The following RAD54L variants were observed in gnomAD, a reference collection of about 807,000 sequenced individuals.
The protein encoded by RAD54L is DNA repair and recombination protein RAD54-like.
A neutral mutation model predicts 91.6 loss-of-function variants in RAD54L; 74 were observed. That is an observed-to-expected ratio of 0.81 (90% CI 0.67 to 0.98). The LOEUF (loss-of-function observed/expected upper bound fraction) is 0.98, where lower values mean the gene tolerates loss of function less well. Ranked by LOEUF, RAD54L falls within the 50% of genes least tolerant of loss-of-function variation. RAD54L has a pLI of 0.00. For synonymous variants in RAD54L, 304 were observed against 349.7 expected, an observed-to-expected ratio of 0.87 and a Z score of 1.46; for missense variants, 887 against 945.7, an observed-to-expected ratio of 0.94 and a Z score of 0.81.
At chr1:46,261,092 C>CA in intron 7 of RAD54L, 77 bp downstream of exon 7, 1 of 1,568,512 alleles carries the variant, frequency 6.4e-7, no homozygotes, top group African/African-American at 1.4e-5. Flanking sequence ...CATTTATGGC[C>CA]AGGGTGGAGG....
intron 10 of RAD54L, among the ~76,000 whole-genome samples, chr1:46,271,996 T>C: frequency 6.9e-6 from 1 of 144,130 alleles, no homozygotes; most frequent in Non-Finnish European, 1.5e-5. Flanking sequence ...GAGACCCTGA[T>C]ACAGATGTGT....
Position 46,267,522 on chromosome 1 carries a change from C to G in RAD54L, c.955C>G (p.Arg319Gly), listed in dbSNP as rs142375065. 6.2e-7 allele frequency: 1 copy of G among 1,613,934 alleles called. No individual in the cohort carries two copies. Among genetic ancestry groups the G allele is most frequent in the African/African-American group, 1.3e-5 (1 of 74,896 alleles). ...YQALDSLNTS[R>G]RVLISGTPIQ... ...AGCCCTGGACAGCTTGAACACCAGC[C>G]GGCGGGTGCTCATCTCCGGAACTCC... Residue 319 changes from arginine to glycine, a missense_variant, in exon 9 of 18, where the codon CGG becomes GGG. By Grantham distance (125) the Arg-to-Gly change is moderately radical (BLOSUM62 -2). Transcript: ENST00000371975.
At chr1:46,273,163 T>C (rs987312156) in intron 12 of RAD54L, among the ~76,000 whole-genome samples, 192 bp from the exon 13 acceptor site, 3 of 152,244 alleles carry the variant, frequency 2.0e-5, no homozygotes, top group Non-Finnish European at 2.9e-5. Context: ...AACACATTAG[T>C]GAGTGAGATT....
intron 2 of RAD54L, among the ~76,000 whole-genome samples, chr1:46,249,645 T>G (rs961765914): frequency 1.5e-4 from 23 of 152,148 alleles, no homozygotes; most frequent in African/African-American, 4.6e-4. Flanking sequence ...TCTTGGAAAC[T>G]CAGCGAAATG....
At chr1:46,269,422 C>G in intron 9 of RAD54L, among the ~76,000 whole-genome samples, 1 of 151,364 alleles carries the variant, frequency 6.6e-6, no homozygotes, top group Non-Finnish European at 1.5e-5. Flanking sequence ...ATCCTCCTGC[C>G]TCAGCCTCCT....
At position 46,274,564 on chromosome 1, in the gene RAD54L, C is replaced by T. The variant is rs1200585746; in HGVS notation, c.1716C>T (p.Ser572=). Reference sequence around the variant, plus strand: ...GCCCTGACTTTGTCTTCATGCTGAGCAGCAAAGCTGGGGGCTGTGGCCTCA... The same window carrying T: ...GCCCTGACTTTGTCTTCATGCTGAGTAGCAAAGCTGGGGGCTGTGGCCTCA... ...PSSPDFVFML[S]SKAGGCGLNL... The change falls in exon 16 of 18, where the codon AGC becomes AGT. Residue 572 remains serine (S), a synonymous_variant. Transcript: ENST00000371975. 6.2e-7 allele frequency: 1 copy of T among 1,613,246 alleles called. No individual in the cohort carries two copies. The highest frequency in any genetic ancestry group is 8.5e-7 in the Non-Finnish European group (1 of 1,180,022).
chr1:46,249,094 G>C (rs542567660), intron 2 of RAD54L, among the ~76,000 whole-genome samples: 20 of 152,270 alleles, frequency 1.3e-4, no homozygotes, highest in Non-Finnish European at 1.5e-5. Flanking sequence ...TTGGAGGCTT[G>C]TTGGGGCTGG....
chr1:46,251,082 A>G (rs1449519409), intron 3 of RAD54L, among the ~76,000 whole-genome samples: 1 of 150,716 alleles, frequency 6.6e-6, no homozygotes, highest in Admixed American at 6.6e-5. Flanking sequence ...GCCGAGGTGG[A>G]TGGATCACCT....
intron 4 of RAD54L, among the ~76,000 whole-genome samples, chr1:46,259,289 C>G (rs897170759): frequency 6.6e-6 from 1 of 151,878 alleles, no homozygotes; most frequent in Non-Finnish European, 1.5e-5. Flanking sequence ...AGTGTTGGGA[C>G]TACAGGCTTG....
At chr1:46,274,097 C>A (rs775853000) in intron 14 of RAD54L, 41 bp from the exon 15 acceptor site, 13 of 1,550,832 alleles carry the variant, frequency 8.4e-6, no homozygotes, top group Non-Finnish European at 1.2e-5. Flanking sequence ...TCCCCCTAAT[C>A]ATTGAAGCTT....
In RAD54L at chr1:46,250,071, T is replaced by C. The variant is rs569623515; in HGVS notation, c.162T>C (p.Pro54=). Residue 54 remains proline, a synonymous_variant, in exon 3 of 18, where the codon CCT becomes CCC. Transcript: ENST00000371975. ...QECFLSPFRK[P]LSQLTNQPPC... ...GTTTCCTGTCTCCTTTTCGGAAACC[T>C]TTGAGTCAGCTAACCAATCAACCAC... 6.2e-7 allele frequency: 1 copy of C among 1,614,174 alleles called. No individual in the cohort carries two copies. The highest frequency in any genetic ancestry group is 1.1e-5 in the South Asian group (1 of 91,080).
chr1:46,258,959 T>G (rs1204918961), intron 4 of RAD54L, among the ~76,000 whole-genome samples: 2 of 152,138 alleles, frequency 1.3e-5, no homozygotes, highest in African/African-American at 2.4e-5. Context: ...ATCTTCTTGG[T>G]AGAGGTGTCC....
chr1:46,268,853 C>T (rs1268572862), intron 9 of RAD54L, among the ~76,000 whole-genome samples: 1 of 152,226 alleles, frequency 6.6e-6, no homozygotes, highest in African/African-American at 2.4e-5. Context: ...GTACCCTCAA[C>T]TTCCTGGGCT....
At chr1:46,256,727 T>G (rs1005899308) in intron 3 of RAD54L, among the ~76,000 whole-genome samples, 1 of 152,204 alleles carries the variant, frequency 6.6e-6, no homozygotes, top group Admixed American at 6.5e-5. Context: ...AACTTTGCCT[T>G]TATGTTATGT....
rs758969027 is a variant in RAD54L, at chr1:46,247,783, C to T, written c.-623C>T. On this transcript the variant is annotated 5_prime_UTR_variant, in exon 1 of 18. Coordinates refer to ENST00000371975, the MANE Select transcript of RAD54L (RefSeq NM_003579.4). ...CGGCTGTTAACGCGCGCTTTGGGAA[C>T]AGGAAGGTTGAGAGAGAGGTGCTGG... 8 of 160,202 alleles carry T rather than the reference C, an allele frequency of 5.0e-5. No individual in the cohort carries two copies. The highest frequency in any genetic ancestry group is 1.1e-4 in the Non-Finnish European group (8 of 72,458). The allele number at this position is 160,202 out of a possible 1,614,324, so 9.9% of individuals were successfully genotyped here. A position where few individuals can be genotyped will look rare whatever the true frequency, so the allele number is the denominator to read the frequency against.
At chr1:46,257,993 CTG>C (rs1430151745) in intron 3 of RAD54L, among the ~76,000 whole-genome samples, 1 of 152,086 alleles carries the variant, frequency 6.6e-6, no homozygotes, top group Non-Finnish European at 1.5e-5. Context: ...AGGCTTAGCT[CTG>C]TGTCTAGCAT....
chr1:46,252,905 TA>T, intron 3 of RAD54L, among the ~76,000 whole-genome samples: 1 of 151,886 alleles, frequency 6.6e-6, no homozygotes, highest in Non-Finnish European at 1.5e-5. Context: ...ACCCTATTTC[TA>T]AAAAACAATA....
chr1:46,276,600 A>C (rs1000491961), intron 16 of RAD54L, among the ~76,000 whole-genome samples: 1 of 152,042 alleles, frequency 6.6e-6, no homozygotes, highest in Non-Finnish European at 1.5e-5. Flanking sequence ...AAATTTCCTT[A>C]ATCTAACCTT....
rs1047953550 is a variant in RAD54L, at chr1:46,274,617, T to C, written c.1769T>C (p.Met590Thr). Residue 590 changes from methionine (M) to threonine (T), a missense_variant, in exon 16 of 18, where the codon ATG becomes ACG. By Grantham distance (81) the Met-to-Thr change is moderately conservative (BLOSUM62 -1). Coordinates refer to ENST00000371975, the MANE Select transcript of RAD54L (RefSeq NM_003579.4). ...CTCATTGGGGCTAACCGGCTGGTCA[T>C]GTTTGACCCTGACTGGAACCCAGCC... The part of the protein sequence containing the change: ...LNLIGANRLV[M>T]FDPDWNPAND... The C allele has an allele frequency of 6.2e-7, 1 of 1,614,020 alleles. No homozygotes were observed. Among genetic ancestry groups the C allele is most frequent in the South Asian group, 1.1e-5 (1 of 91,074 alleles).
Sources: allele counts gnomAD v4.1 joint callset (sites outside exome capture counted in the v4.1 genomes callset), GRCh38; gene constraint gnomAD v4.1.1; transcripts MANE v1.5; gene names NCBI Gene and HGNC (gene_info 2026-07-23, HGNC 2026-07-21).